PACSIN1: variants seen among roughly 807,000 people sequenced by gnomAD.
PACSIN1 encodes the protein protein kinase C and casein kinase substrate in neurons 1.
In PACSIN1, 15 loss-of-function variants were observed where a neutral mutation model predicts 59.5. The observed-to-expected ratio is 0.25, with a 90% CI of 0.17 to 0.39. The LOEUF (loss-of-function observed/expected upper bound fraction) is 0.39. PACSIN1 is among the 10% of genes least tolerant of loss of function. PACSIN1 has a pLI of 1.00. For missense variants in PACSIN1, 420 were observed against 580.2 expected, an observed-to-expected ratio of 0.72 and a Z score of 2.84; for synonymous variants, 210 against 220.6, an observed-to-expected ratio of 0.95 and a Z score of 0.42.
At chr6:34,476,035 G>A (rs893214242) in intron 1 of PACSIN1, among the ~76,000 whole-genome samples, 115 of 152,168 alleles carry the variant, frequency 7.6e-4, no homozygotes, top group African/African-American at 2.4e-3. Flanking sequence ...TATGTATTGC[G>A]TGTGGTGTGC....
rs1469034562 is a variant in PACSIN1 at position 34,527,569 on chromosome 6, T to C, written c.220+81T>C. The C allele has an allele frequency of 6.1e-6, 8 of 1,304,136 alleles. No individual in the cohort carries two copies. In the African/African-American group the frequency reaches 1.2e-4, roughly 20 times the overall value. 80.8% of individuals were successfully genotyped at this position (1,304,136 alleles called of 1,614,324 possible). A position where few individuals can be genotyped will look rare whatever the true frequency, so the allele number is the denominator to read the frequency against. On this transcript the variant is annotated intron_variant, in intron 3 of 9. Coordinates refer to ENST00000244458, the MANE Select transcript of PACSIN1 (RefSeq NM_020804.5). ...TCTGGGTCCTAGGAGCCCCGGCTACTTGCATGCACCATGCCCTCCATCTAC... is the reference window on the plus strand; with the variant it reads ...TCTGGGTCCTAGGAGCCCCGGCTACCTGCATGCACCATGCCCTCCATCTAC...
Position 34,527,498 on chromosome 6 carries a change from C to CA in PACSIN1, c.220+11dup. 1 of 1,583,044 alleles carries CA rather than the reference C, an allele frequency of 6.3e-7. No individual in the cohort carries two copies. Among genetic ancestry groups the CA allele is most frequent in the East Asian group, 2.3e-5 (1 of 43,324 alleles). The stretch of plus-strand genomic sequence containing the variant: ...CAGCTCATCGAGAAAGGTGCTCCCC[C>CA]AGGCTCACATCGTGCGCGCCCCCAG... On this transcript the variant is annotated intron_variant, in intron 3 of 9. Transcript: ENST00000244458.
At chr6:34,470,142 A>G (rs974071973) in intron 1 of PACSIN1, among the ~76,000 whole-genome samples, 2 of 152,010 alleles carry the variant, frequency 1.3e-5, no homozygotes, top group Non-Finnish European at 2.9e-5. Context: ...GCTGCAGGAT[A>G]CCTGAAAACT....
chr6:34,479,554 G>C (rs543178764), intron 1 of PACSIN1, among the ~76,000 whole-genome samples: 17 of 152,216 alleles, frequency 1.1e-4, no homozygotes, highest in African/African-American at 4.1e-4. Context: ...TCCCACCTCA[G>C]CCTTCTGAGA....
intron 1 of PACSIN1, among the ~76,000 whole-genome samples, chr6:34,493,334 G>T (rs1766904062): frequency 6.6e-6 from 1 of 152,216 alleles, no homozygotes; most frequent in Admixed American, 6.5e-5. Context: ...GGACACGTAG[G>T]TTGTTTGGGG....
rs547392218 is a variant in PACSIN1, at chr6:34,518,837, T to C, written c.-63-7406T>C. Among the ~76,000 whole-genome samples the C allele has an allele frequency of 6.6e-6, 1 of 152,356 alleles. No individual in the cohort carries two copies. Among genetic ancestry groups the C allele is most frequent in the East Asian group, 1.9e-4 (1 of 5,184 alleles). Reference sequence around the variant, plus strand: ...TATTTTCTTCTTGGCTTTTTGCCCATGCTGGAATGTAAGCTCCATGAGGGA... The same window carrying C: ...TATTTTCTTCTTGGCTTTTTGCCCACGCTGGAATGTAAGCTCCATGAGGGA... On this transcript the variant is annotated intron_variant, in intron 1 of 9. Coordinates refer to ENST00000244458, the MANE Select transcript of PACSIN1 (RefSeq NM_020804.5). This position sits in a 1 kb window ranked among gnomAD's most constrained non-coding sequence, Gnocchi z 4.4.
chr6:34,509,119 T>C (rs1767161837), intron 1 of PACSIN1, among the ~76,000 whole-genome samples: 1 of 152,258 alleles, frequency 6.6e-6, no homozygotes, highest in African/African-American at 2.4e-5. Flanking sequence ...TTCCCTATAT[T>C]TTCTTCTAGG....
At position 34,525,676 on chromosome 6, in the gene PACSIN1, C is replaced by A. The variant is rs1471873296; in HGVS notation, c.-63-567C>A. Among the ~76,000 whole-genome samples, 1 of 152,084 alleles carries A rather than the reference C, an allele frequency of 6.6e-6. No individual in the cohort carries two copies. The highest frequency in any genetic ancestry group is 2.4e-5 in the African/African-American group (1 of 41,396). Reference sequence around the variant, plus strand: ...GCTGGGGGAAGGGAGGAGGGGAGTACCCACCTCGGCCCTGGGGCAGCGCAC... The same window carrying A: ...GCTGGGGGAAGGGAGGAGGGGAGTAACCACCTCGGCCCTGGGGCAGCGCAC... On this transcript the variant is annotated intron_variant, in intron 1 of 9. Coordinates refer to ENST00000244458, the MANE Select transcript of PACSIN1 (RefSeq NM_020804.5). This position sits in a 1 kb window ranked among gnomAD's most constrained non-coding sequence, Gnocchi z 4.9.
chr6:34,506,286 C>T (rs1767113604), intron 1 of PACSIN1, among the ~76,000 whole-genome samples: 1 of 152,138 alleles, frequency 6.6e-6, no homozygotes, highest in African/African-American at 2.4e-5. Context: ...GGCACAATCA[C>T]AGTTCATTGC....
intron 1 of PACSIN1, among the ~76,000 whole-genome samples, chr6:34,489,689 A>G (rs1008613310): frequency 2.0e-5 from 3 of 152,150 alleles, no homozygotes; most frequent in Non-Finnish European, 2.9e-5. Context: ...CTGTGAGCCG[A>G]AGCTGGGCCA....
chr6:34,505,409 T>A (rs1363522131), intron 1 of PACSIN1, among the ~76,000 whole-genome samples: 1 of 152,074 alleles, frequency 6.6e-6, no homozygotes, highest in African/African-American at 2.4e-5. Flanking sequence ...CAGCTACTAT[T>A]TCTTTGAATG....
At position 34,516,593 on chromosome 6, in the gene PACSIN1, G is replaced by A. The variant is rs1272019785; in HGVS notation, c.-63-9650G>A. The stretch of plus-strand genomic sequence containing the variant: ...ACTGGAGCAGGGGCTGGTGAGGCCT[G>A]GAGGGCAGGTTCTTTGGGTGAGAGC... On this transcript the variant is annotated intron_variant, in intron 1 of 9. Coordinates refer to ENST00000244458, the MANE Select transcript of PACSIN1 (RefSeq NM_020804.5). This position sits in a 1 kb window ranked among gnomAD's most constrained non-coding sequence, Gnocchi z 5.4. Among the ~76,000 whole-genome samples, 1 of 152,122 alleles carries A rather than the reference G, an allele frequency of 6.6e-6. No individual in the cohort carries two copies. Among genetic ancestry groups the A allele is most frequent in the Non-Finnish European group, 1.5e-5 (1 of 68,002 alleles).
rs575277837 is a variant in PACSIN1, at chr6:34,514,716, C to T, written c.-63-11527C>T. On this transcript the variant is annotated intron_variant, in intron 1 of 9. Coordinates refer to ENST00000244458, the MANE Select transcript of PACSIN1 (RefSeq NM_020804.5). This position sits in a 1 kb window ranked among gnomAD's most constrained non-coding sequence, Gnocchi z 4.4. ...TGTTGATGCGGCGCCGTGCGGGAGG[C>T]GGGCATCCCCTGCTGTACATGGGAG... 9.2e-5 allele frequency among the ~76,000 whole-genome samples: 14 copies of T among 152,232 alleles called. No individual in the cohort carries two copies. The highest frequency in any genetic ancestry group is 1.9e-4 in the Non-Finnish European group (13 of 68,006).
chr6:34,500,557 G>A (rs1384985070), intron 1 of PACSIN1, among the ~76,000 whole-genome samples: 4 of 152,198 alleles, frequency 2.6e-5, no homozygotes, highest in East Asian at 1.9e-4. Context: ...ATTTACAGAC[G>A]CAGGCAGAAT....
At position 34,530,641 on chromosome 6, in the gene PACSIN1, C is replaced by A. The variant is rs1561972271; in HGVS notation, c.1037+54C>A. The stretch of plus-strand genomic sequence containing the variant: ...GCCAAGAGGGACCCACACTCTGGGG[C>A]AGCTGAGTTTTGCTTCAGAAGACAA... On this transcript the variant is annotated intron_variant, in intron 8 of 9. Transcript: ENST00000244458. The surrounding 1 kb of genome is among the most constrained non-coding windows in gnomAD (Gnocchi z 4.4). 2.7e-6 allele frequency: 4 copies of A among 1,478,600 alleles called. No individual in the cohort carries two copies. Among genetic ancestry groups the A allele is most frequent in the Non-Finnish European group, 3.6e-6 (4 of 1,112,446 alleles). 91.6% of individuals were successfully genotyped at this position (1,478,600 alleles called of 1,614,324 possible). A position where few individuals can be genotyped will look rare whatever the true frequency, so the allele number is the denominator to read the frequency against.
At chr6:34,522,553 A>G (rs1767412072) in intron 1 of PACSIN1, among the ~76,000 whole-genome samples, 1 of 152,128 alleles carries the variant, frequency 6.6e-6, no homozygotes, top group Non-Finnish European at 1.5e-5. Context: ...GGGTGGATGG[A>G]TGGATGGATG....
At chr6:34,468,488 G>A (rs878956949) in intron 1 of PACSIN1, among the ~76,000 whole-genome samples, 2 of 152,070 alleles carry the variant, frequency 1.3e-5, no homozygotes, top group Admixed American at 6.6e-5. Flanking sequence ...TCTCCCTAAC[G>A]TGGCTCTGCC....
rs372732742 is a variant in PACSIN1 at position 34,504,246 on chromosome 6, A to ATGTGTGTGTG, written c.-63-21981_-63-21972dup. Among the ~76,000 whole-genome samples, 408 of 107,814 alleles carry ATGTGTGTGTG rather than the reference A, an allele frequency of 3.8e-3. 4 individuals are homozygous for ATGTGTGTGTG. Among genetic ancestry groups the ATGTGTGTGTG allele is most frequent in the African/African-American group, 0.014 (395 of 27,278 alleles). 70.7% of individuals were successfully genotyped at this position (107,814 alleles called of 152,430 possible). ...TTTGAGAAGCACATCAGACAATGTTATGTGTGTGTGTGTGTGTGTGTGTGT... is the reference window on the plus strand; with the variant it reads ...TTTGAGAAGCACATCAGACAATGTTATGTGTGTGTGTGTGTGTGTGTGTGTGTGTGTGTGT... On this transcript the variant is annotated intron_variant, in intron 1 of 9. Transcript: ENST00000244458.
At chr6:34,495,733 G>A (rs1192064674) in intron 1 of PACSIN1, among the ~76,000 whole-genome samples, 13 of 152,272 alleles carry the variant, frequency 8.5e-5, no homozygotes, top group Admixed American at 2.0e-4. Flanking sequence ...GATTACAGGC[G>A]TGAGCCACCG....
Sources: gnomAD v4.1 joint callset for allele counts (sites outside exome capture counted in the v4.1 genomes callset) on GRCh38, gnomAD v4.1.1 for gene constraint, Gnocchi (gnomAD v3.1) non-coding constraint, MANE v1.5 for transcripts, NCBI Gene and HGNC (gene_info 2026-07-23, HGNC 2026-07-21) for gene names.